The following TUT1 variants were observed in gnomAD, a reference collection of about 807,000 sequenced individuals.
TUT1 encodes the protein speckle targeted PIP5K1A-regulated poly(A) polymerase.
In TUT1, 26 loss-of-function variants were observed where a neutral mutation model predicts 48.8. The ratio of observed to expected loss-of-function variants is 0.53; its 90% CI spans 0.39 to 0.74. The LOEUF (loss-of-function observed/expected upper bound fraction) is 0.74, where lower values mean the gene tolerates loss of function less well. Ranked by LOEUF, TUT1 falls within the 30% of genes least tolerant of loss-of-function variation. TUT1 has a pLI of 0.00. For missense variants in TUT1, 1,065 were observed against 1,114.8 expected, an observed-to-expected ratio of 0.96 and a Z score of 0.64; for synonymous variants, 470 against 460.8, an observed-to-expected ratio of 1.02 and a Z score of -0.26.
chr11:62,585,944 A>C (rs1299899688), intron 2 of TUT1, among the ~76,000 whole-genome samples: 2 of 152,138 alleles, frequency 1.3e-5, no homozygotes, highest in African/African-American at 2.4e-5. Flanking sequence ...CTCTACTAAA[A>C]ATACAAAATT....
In TUT1 at chr11:62,589,031, C is replaced by G. The variant is rs1941964609; in HGVS notation, c.273G>C (p.Lys91Asn). The G allele has an allele frequency of 6.2e-7, 1 of 1,612,936 alleles. No individual in the cohort carries two copies. The highest frequency in any genetic ancestry group is 8.5e-7 in the Non-Finnish European group (1 of 1,179,138). Residue 91 changes from lysine (K) to asparagine (N), a missense_variant and splice_region_variant, in exon 2 of 9, where the codon AAG (lysine) becomes AAC (asparagine). Transcript: ENST00000476907. ...PVASVVMDKD[K>N]GVFAIVEMGD... ...TTAACCCGAGAGCCATTCACTTTAC[C>G]TTGTCCTTGTCCATGACAACACTGG...
Position 62,582,533 on chromosome 11 carries a change from C to T in TUT1, c.274-832G>A, listed in dbSNP as rs759314756. 10 of 443,000 alleles carry T rather than the reference C, an allele frequency of 2.3e-5. No individual in the cohort carries two copies. In the Admixed American group the frequency reaches 2.4e-4, roughly 11 times the overall value. 27.4% of individuals were successfully genotyped at this position (443,000 alleles called of 1,614,324 possible). On this transcript the variant is annotated intron_variant, in intron 2 of 8. Transcript: ENST00000476907. ...ATCACTTGGGCCCAGGATGTTGAGG[C>T]TGCAGTGAGCTGTGATTGTGATTGC...
At chr11:62,590,293 G>C (rs923257398) in intron 1 of TUT1, among the ~76,000 whole-genome samples, 4 of 152,200 alleles carry the variant, frequency 2.6e-5, no homozygotes, top group Non-Finnish European at 5.9e-5. Flanking sequence ...AGGAATTGGA[G>C]ACCAGCCTAG....
chr11:62,576,564 G>T, intron 8 of TUT1, 93 bp downstream of exon 8: 1 of 1,141,442 alleles, frequency 8.8e-7, no homozygotes, highest in South Asian at 1.3e-5. Context: ...GGCTTTCTGT[G>T]AGAACCATGC....
At chr11:62,579,451 AC>A (rs1941790204) in intron 4 of TUT1, among the ~76,000 whole-genome samples, 1 of 152,222 alleles carries the variant, frequency 6.6e-6, no homozygotes, top group African/African-American at 2.4e-5. Context: ...TGCATAACAC[AC>A]ATTGAAGTAT....
intron 2 of TUT1, among the ~76,000 whole-genome samples, chr11:62,587,950 C>T (rs1941947511): frequency 6.6e-6 from 1 of 152,188 alleles, no homozygotes. Flanking sequence ...ACCTTAGTAC[C>T]CTCAGTGTAA....
Position 62,575,087 on chromosome 11 carries a change from C to T in TUT1, c.*7G>A. 6.4e-7 allele frequency: 1 copy of T among 1,555,432 alleles called. No homozygotes were observed. The highest frequency in any genetic ancestry group is 1.4e-5 in the African/African-American group (1 of 73,016). Reference sequence around the variant, plus strand: ...AGCAGCTTTATTGCCCTTCAGGGGCCATGTCTTCACTTGAGATGTCGAATT... The same window carrying T: ...AGCAGCTTTATTGCCCTTCAGGGGCTATGTCTTCACTTGAGATGTCGAATT... On this transcript the variant is annotated 3_prime_UTR_variant, in exon 9 of 9. Transcript: ENST00000476907.
rs764397932 is a variant in TUT1 at position 62,581,194 on chromosome 11, T to C, written c.602A>G (p.His201Arg). 6.2e-7 allele frequency: 1 copy of C among 1,613,974 alleles called. No individual in the cohort carries two copies. The highest frequency in any genetic ancestry group is 8.5e-7 in the Non-Finnish European group (1 of 1,179,986). The change falls in exon 4 of 9, where the codon CAC (histidine) becomes CGC (arginine). Residue 201 changes from histidine to arginine, a missense_variant. Transcript: ENST00000476907. ...GCTATTTATGGAAGAGCCAAAAGGG[T>C]GGACCACACAGCCTGGGTGCCGAGC... ...FTEFFPGCVVHPFGSSINSFD... is the reference protein window; with the variant it reads ...FTEFFPGCVVRPFGSSINSFD...
chr11:62,576,798 G>A (rs1941736439), intron 7 of TUT1, 49 bp from the exon 8 acceptor site: 1 of 1,604,262 alleles, frequency 6.2e-7, no homozygotes, highest in African/African-American at 1.3e-5. Context: ...AGGAGATTGA[G>A]GGTGGGGGTA....
Position 62,578,969 on chromosome 11 carries a change from G to A in TUT1, c.752C>T (p.Pro251Leu). The change falls in exon 5 of 9, where the codon CCT (proline) becomes CTT (leucine). Residue 251 changes from proline (P) to leucine (L), a missense_variant. Transcript: ENST00000476907. ...AGCTGGGGTGCAGGCCAGGGCTTGA[G>A]GGTCCAGTGGGGAAGCCAGGGCCGA... ...LDSALASPLD[P>L]QALACTPASP... 6.6e-7 allele frequency: 1 copy of A among 1,525,846 alleles called. No individual in the cohort carries two copies. 94.5% of individuals were successfully genotyped at this position (1,525,846 alleles called of 1,614,324 possible).
chr11:62,578,800 T>C lies in TUT1; in HGVS notation c.921A>G (p.Pro307=), dbSNP rs1186002567. ...CCCTGTCCTCTAGCAGTGGTGAAGCTGGAGGCAGAGACTGGGGAGAAGCAA... is the reference window on the plus strand; with the variant it reads ...CCCTGTCCTCTAGCAGTGGTGAAGCCGGAGGCAGAGACTGGGGAGAAGCAA... ...ETLASPQSLP[P]ASPLLEDREE... is the part of the protein sequence containing the mutation. Residue 307 remains proline, a synonymous_variant, in exon 5 of 9, where the codon CCA becomes CCG. Transcript: ENST00000476907. 13 of 1,613,854 alleles carry C rather than the reference T, an allele frequency of 8.1e-6. No homozygotes were observed. The highest frequency in any genetic ancestry group is 1.7e-5 in the Admixed American group (1 of 59,974).
chr11:62,590,715 G>A (rs1368138232), intron 1 of TUT1, among the ~76,000 whole-genome samples: 1 of 151,696 alleles, frequency 6.6e-6, no homozygotes, highest in African/African-American at 2.4e-5. Flanking sequence ...TGGGAGGCTA[G>A]CCAGGGGTAT....
chr11:62,575,419 C>A lies in TUT1; in HGVS notation c.2300G>T (p.Arg767Leu). 6.2e-7 allele frequency: 1 copy of A among 1,611,590 alleles called. No individual in the cohort carries two copies. Among genetic ancestry groups the A allele is most frequent in the Non-Finnish European group, 8.5e-7 (1 of 1,179,984 alleles). ...GASLPSSASW[R>L]CALWHRVWQG... Reference sequence around the variant, plus strand: ...CCACACTCGGTGCCACAAGGCACAGCGCCAGCTCGCTGAGGAGGGCAGGGA... The same window carrying A: ...CCACACTCGGTGCCACAAGGCACAGAGCCAGCTCGCTGAGGAGGGCAGGGA... The change falls in exon 9 of 9, where the codon CGC becomes CTC. Residue 767 changes from arginine to leucine, a missense_variant. Transcript: ENST00000476907.
intron 2 of TUT1, 109 bp from the exon 3 acceptor site, chr11:62,581,810 T>C: frequency 2.0e-6 from 2 of 1,017,416 alleles, no homozygotes; most frequent in Non-Finnish European, 2.7e-6. Context: ...AAATTGAGAA[T>C]ATTTGCTTGC....
intron 1 of TUT1, among the ~76,000 whole-genome samples, chr11:62,589,594 A>C (rs1941977170): frequency 6.6e-6 from 1 of 152,130 alleles, no homozygotes; most frequent in African/African-American, 2.4e-5. Context: ...AGTAGAGACG[A>C]GGGTTCCCAG....
intron 2 of TUT1, among the ~76,000 whole-genome samples, chr11:62,586,829 T>C (rs958125503): frequency 3.3e-5 from 5 of 149,762 alleles, no homozygotes; most frequent in African/African-American, 9.8e-5. Flanking sequence ...GGCGGGAGAA[T>C]TGCTTGCTGG....
In TUT1 at chr11:62,575,477, C is replaced by T. The variant is rs1941704799; in HGVS notation, c.2242G>A (p.Glu748Lys). ...TTCCCTGCCTCACCCTGAGACCATT[C>T]TTGGGCTGCCTCATGTCCCTTGGGC... ...RGPKGHEAAQ[E>K]WSQGEAGKGA... Residue 748 changes from glutamate to lysine, a missense_variant, in exon 9 of 9, where the codon GAA becomes AAA. Coordinates refer to ENST00000476907, the MANE Select transcript of TUT1 (RefSeq NM_022830.3). 6.2e-7 allele frequency: 1 copy of T among 1,612,186 alleles called. No homozygotes were observed. Among genetic ancestry groups the T allele is most frequent in the Admixed American group, 1.7e-5 (1 of 60,004 alleles).
In TUT1 at chr11:62,587,051, T is replaced by C. The variant is rs546682093; in HGVS notation, c.273+1980A>G. Among the ~76,000 whole-genome samples the C allele has an allele frequency of 6.3e-4, 79 of 124,568 alleles. 1 individual carries two copies. Among genetic ancestry groups the C allele is most frequent in the Admixed American group, 3.6e-3 (36 of 9,914 alleles). The allele number at this position is 124,568 out of a possible 152,430, so 81.7% of individuals were successfully genotyped here. On this transcript the variant is annotated intron_variant, in intron 2 of 8. Coordinates refer to ENST00000476907, the MANE Select transcript of TUT1 (RefSeq NM_022830.3). ...GGCCTCCTCAGTAAACTTCTACTTA[T>C]ATCTCAGTGGCCAGAATTCTACCAC...
Position 62,576,123 on chromosome 11 carries a change from C to T in TUT1, c.1596G>A (p.Glu532=). The T allele has an allele frequency of 1.9e-6, 3 of 1,614,038 alleles. No homozygotes were observed. Among genetic ancestry groups the T allele is most frequent in the Non-Finnish European group, 2.5e-6 (3 of 1,180,032 alleles). The change falls in exon 9 of 9, where the codon GAG becomes GAA. Residue 532 remains glutamate, a synonymous_variant. Coordinates refer to ENST00000476907, the MANE Select transcript of TUT1 (RefSeq NM_022830.3). ...VAGGLPSNLW[E]GLRLGPLNLQ... ...GATTCAGGGGGCCAAGGCGCAGACC[C>T]TCCCAGAGATTAGAAGGCAGGCCCC...
Sources: allele counts gnomAD v4.1 joint callset (sites outside exome capture counted in the v4.1 genomes callset), GRCh38; gene constraint gnomAD v4.1.1; transcripts MANE v1.5; gene names NCBI Gene and HGNC (gene_info 2026-07-23, HGNC 2026-07-21).